The following POSTN variants were observed in gnomAD, a reference collection of about 807,000 sequenced individuals.
POSTN encodes periostin.
A neutral mutation model predicts 104.5 loss-of-function variants in POSTN; 71 were observed. That is an observed-to-expected ratio of 0.68 (90% CI 0.56 to 0.83). The LOEUF is 0.83. POSTN is among the 40% of genes least tolerant of loss of function. The pLI is 0.00. For synonymous variants in POSTN, 355 were observed against 340.7 expected (o/e 1.04, Z -0.46); for missense variants, 949 against 1,006.8 (o/e 0.94, Z 0.78).
rs775229025 is a variant in POSTN, at chr13:37,579,186, A to G, written c.1791+43T>C. 3 of 1,606,050 alleles carry G rather than the reference A, an allele frequency of 1.9e-6. No individual in the cohort carries two copies. In the African/African-American group the frequency reaches 4.0e-5, roughly 21 times the overall value. On this transcript the variant is annotated intron_variant, in intron 13 of 22. Coordinates refer to ENST00000379747, the MANE Select transcript of POSTN (RefSeq NM_006475.3). ...TAAGGATGAATATTTAGATAACTTA[A>G]TGATGGATGAACACTATCATAAATT...
intron 16 of POSTN, among the ~76,000 whole-genome samples, chr13:37,576,848 G>C (rs1309347849): frequency 6.6e-6 from 1 of 151,614 alleles, no homozygotes; most frequent in Non-Finnish European, 1.5e-5. Context: ...ATTTTGTTTT[G>C]CTCCTTACAT....
intron 15 of POSTN, among the ~76,000 whole-genome samples, chr13:37,578,107 C>T (rs7997479): frequency 0.12 from 18,501 of 152,008 alleles, 1,682 homozygotes; most frequent in African/African-American, 0.24. Flanking sequence ...AAAAATATTC[C>T]GTTCCCTTTA....
At chr13:37,592,424 G>A (rs1295812220) in intron 2 of POSTN, among the ~76,000 whole-genome samples, 1 of 151,900 alleles carries the variant, frequency 6.6e-6, no homozygotes, top group Non-Finnish European at 1.5e-5. Context: ...TCAACCTCCC[G>A]AGTAGCTGGG....
At chr13:37,564,212 A>ATATATG (rs1950020613) in intron 22 of POSTN, among the ~76,000 whole-genome samples, 1 of 122,982 alleles carries the variant, frequency 8.1e-6, no homozygotes, top group Admixed American at 7.8e-5. Flanking sequence ...ATATATATAT[A>ATATATG]TATATATATA....
At chr13:37,579,628 A>C (rs778738235) in intron 12 of POSTN, among the ~76,000 whole-genome samples, 27 of 152,184 alleles carry the variant, frequency 1.8e-4, no homozygotes, top group Non-Finnish European at 4.4e-5. Flanking sequence ...CATGGTCTTT[A>C]ATAGAAACCA....
At chr13:37,564,616 A>T in intron 21 of POSTN, 56 bp from the exon 22 acceptor site, 1 of 1,008,462 alleles carries the variant, frequency 9.9e-7, no homozygotes, top group Non-Finnish European at 1.6e-6. Flanking sequence ...AAAATCAGAC[A>T]GGAGACCATG....
At chr13:37,567,566 A>G (rs1950151209) in intron 21 of POSTN, among the ~76,000 whole-genome samples, 1 of 152,184 alleles carries the variant, frequency 6.6e-6, no homozygotes. Context: ...TCCTACAAAA[A>G]GCAAAACCTT....
At chr13:37,577,657 C>T in intron 16 of POSTN, 96 bp downstream of exon 16, 2 of 1,469,884 alleles carry the variant, frequency 1.4e-6, no homozygotes, top group Non-Finnish European at 1.8e-6. Flanking sequence ...ATTCTAAATA[C>T]CAGATTATCA....
intron 2 of POSTN, among the ~76,000 whole-genome samples, chr13:37,595,687 T>C (rs1951063601): frequency 6.6e-6 from 1 of 152,250 alleles, no homozygotes; most frequent in Non-Finnish European, 1.5e-5. Context: ...TTATGCATTA[T>C]GGTTACTTAG....
chr13:37,569,236 T>A, intron 21 of POSTN, 64 bp downstream of exon 21: 1 of 1,216,556 alleles, frequency 8.2e-7, no homozygotes, highest in Non-Finnish European at 1.2e-6. Context: ...TTGCTCAGTC[T>A]TTAAAAAGTT....
rs1460795808 is a variant in POSTN at position 37,584,941 on chromosome 13, A to AT, written c.896-14dup. 6.2e-7 allele frequency: 1 copy of AT among 1,612,626 alleles called. No individual in the cohort carries two copies. Among genetic ancestry groups the AT allele is most frequent in the Non-Finnish European group, 8.5e-7 (1 of 1,179,554 alleles). On this transcript the variant is annotated splice_polypyrimidine_tract_variant and intron_variant, in intron 7 of 22. Coordinates refer to ENST00000379747, the MANE Select transcript of POSTN (RefSeq NM_006475.3). ...TACTTCATAAGAGCTGGAGAACACA[A>AT]TAAAAACAGGTAGCTTTCAGATCAA...
At chr13:37,571,307 C>G in intron 18 of POSTN, 62 bp downstream of exon 18, 1 of 1,076,282 alleles carries the variant, frequency 9.3e-7, no homozygotes, top group Non-Finnish European at 1.4e-6. Context: ...ATTTCTAAAC[C>G]AACACTATTT....
At chr13:37,572,907 T>G (rs927403860) in intron 17 of POSTN, among the ~76,000 whole-genome samples, 13 of 151,570 alleles carry the variant, frequency 8.6e-5, no homozygotes, top group Admixed American at 3.9e-4. Flanking sequence ...AATATTTGTT[T>G]CCTTCATTAT....
At chr13:37,563,542 CA>C (rs1421648024) in intron 22 of POSTN, among the ~76,000 whole-genome samples, 172 bp from the exon 23 acceptor site, 1 of 151,804 alleles carries the variant, frequency 6.6e-6, no homozygotes, top group Non-Finnish European at 1.5e-5. Flanking sequence ...ATATTTTGAT[CA>C]AAAGTATATA....
intron 10 of POSTN, among the ~76,000 whole-genome samples, chr13:37,581,168 C>A (rs1326827483): frequency 6.6e-6 from 1 of 152,018 alleles, no homozygotes; most frequent in Non-Finnish European, 1.5e-5. Context: ...TTTGAACGAA[C>A]GTGATATATA....
At chr13:37,568,673 A>C (rs2138163894) in intron 21 of POSTN, 1 of 149,042 alleles carries the variant, frequency 6.7e-6, no homozygotes, top group African/African-American at 2.4e-5. Context: ...GGTTTGTGTA[A>C]GATTTTGAAT....
At chr13:37,590,807 C>G (rs1281109142) in intron 3 of POSTN, among the ~76,000 whole-genome samples, 2 of 152,050 alleles carry the variant, frequency 1.3e-5, no homozygotes, top group Non-Finnish European at 2.9e-5. Flanking sequence ...CTCAATCCTG[C>G]TATGTCAATA....
At chr13:37,584,984 C>G in intron 7 of POSTN, 56 bp from the exon 8 acceptor site, 1 of 1,592,742 alleles carries the variant, frequency 6.3e-7, no homozygotes, top group Non-Finnish European at 8.5e-7. Context: ...AACATTTGAC[C>G]CTGAAAAGAT....
chr13:37,571,464 A>T lies in POSTN; in HGVS notation c.2090-6T>A. 1 of 1,580,570 alleles carries T rather than the reference A, an allele frequency of 6.3e-7. No individual in the cohort carries two copies. The highest frequency in any genetic ancestry group is 1.1e-5 in the South Asian group (1 of 89,944). ...GACTTTTGTTAGTGTGGGTCCTGGG[A>T]CATTATTTTAGGAGACAAATTATCA... is the stretch of plus-strand genomic sequence containing the variant. On this transcript the variant is annotated splice_region_variant and splice_polypyrimidine_tract_variant and intron_variant, in intron 17 of 22. Coordinates refer to ENST00000379747, the MANE Select transcript of POSTN (RefSeq NM_006475.3).
Sources: allele counts gnomAD v4.1 joint callset (sites outside exome capture counted in the v4.1 genomes callset), GRCh38; gene constraint gnomAD v4.1.1; transcripts MANE v1.5; gene names NCBI Gene and HGNC (gene_info 2026-07-23, HGNC 2026-07-21).